BBX: variants seen among roughly 807,000 people sequenced by gnomAD.
The protein encoded by BBX is HMG box transcription factor BBX.
In BBX, 30 loss-of-function variants were observed where a neutral mutation model predicts 100.2. That is an observed-to-expected ratio of 0.30 (90% CI 0.22 to 0.41). The LOEUF (loss-of-function observed/expected upper bound fraction) is 0.41. Ranked by LOEUF, BBX falls within the 10% of genes least tolerant of loss-of-function variation. The pLI is 1.00. For synonymous variants in BBX, 376 were observed against 388.1 expected, an observed-to-expected ratio of 0.97 and a Z score of 0.37; for missense variants, 1,023 against 1,129.8, an observed-to-expected ratio of 0.91 and a Z score of 1.35.
chr3:107,643,546 C>T (rs1340894942), intron 2 of BBX, among the ~76,000 whole-genome samples: 1 of 151,966 alleles, frequency 6.6e-6, no homozygotes, highest in African/African-American at 2.4e-5. Context: ...GAAAGTAAGC[C>T]AAAGTGGGAC....
chr3:107,584,612 T>C (rs1241879958), intron 2 of BBX, among the ~76,000 whole-genome samples: 1 of 148,966 alleles, frequency 6.7e-6, no homozygotes, highest in Non-Finnish European at 1.5e-5. Flanking sequence ...GGGTGCAGAA[T>C]TGATCAAAAC....
In BBX at chr3:107,737,342, A is replaced by G. The variant is rs551417690; in HGVS notation, c.669+4319A>G. On this transcript the variant is annotated intron_variant, in intron 7 of 17. Coordinates refer to ENST00000325805, the MANE Select transcript of BBX (RefSeq NM_001142568.3). ...AGAGAGAGAGAGAGAGTTCTTGTCT[A>G]TTGAAAACTTAGCAGAAATTACCGT... 3.9e-5 allele frequency among the ~76,000 whole-genome samples: 6 copies of G among 152,058 alleles called. No homozygotes were observed. The South Asian group carries it at 1.0e-3, about 26-fold the overall frequency.
At chr3:107,639,764 C>T (rs2057080355) in intron 2 of BBX, among the ~76,000 whole-genome samples, 1 of 152,070 alleles carries the variant, frequency 6.6e-6, no homozygotes, top group South Asian at 2.1e-4. Context: ...GTACAAAGAT[C>T]TTATGGCAAT....
intron 2 of BBX, among the ~76,000 whole-genome samples, chr3:107,541,072 C>G (rs1478912312): frequency 1.3e-5 from 2 of 152,172 alleles, no homozygotes; most frequent in Non-Finnish European, 2.9e-5. Context: ...CGTTGGCTCT[C>G]TTATACTTGT....
At chr3:107,638,115 CTG>C (rs2056959566) in intron 2 of BBX, among the ~76,000 whole-genome samples, 1 of 152,160 alleles carries the variant, frequency 6.6e-6, no homozygotes, top group Non-Finnish European at 1.5e-5. Context: ...GCAGGTCTCA[CTG>C]TATTGCCTAG....
rs940298225 is a variant in BBX at position 107,667,730 on chromosome 3, C to G, written c.-10+21821C>G. 2.0e-5 allele frequency among the ~76,000 whole-genome samples: 3 copies of G among 151,844 alleles called. No homozygotes were observed. In the East Asian group the frequency reaches 5.8e-4, roughly 29 times the overall value. ...AAGTTGGTAATAAATATAAAAGTAA[C>G]TCAGCATTGAGGTTTATGTAATTAT... On this transcript the variant is annotated intron_variant, in intron 3 of 17. Coordinates refer to ENST00000325805, the MANE Select transcript of BBX (RefSeq NM_001142568.3).
chr3:107,679,664 T>C (rs2059471658), intron 3 of BBX, among the ~76,000 whole-genome samples: 1 of 152,122 alleles, frequency 6.6e-6, no homozygotes, highest in African/African-American at 2.4e-5. Context: ...GATTGTTTCT[T>C]TATAAAATGG....
chr3:107,666,313 T>G (rs1209104498), intron 3 of BBX, among the ~76,000 whole-genome samples: 1 of 152,216 alleles, frequency 6.6e-6, no homozygotes, highest in Admixed American at 6.5e-5. Flanking sequence ...CGATACAGAA[T>G]GTGTACATTT....
intron 3 of BBX, among the ~76,000 whole-genome samples, chr3:107,696,212 G>T (rs1213043779): frequency 2.0e-5 from 3 of 151,806 alleles, no homozygotes; most frequent in East Asian, 3.9e-4. Context: ...AGTTAATATT[G>T]TTATGTGTGA....
chr3:107,701,326 C>T (rs922344173), intron 3 of BBX, among the ~76,000 whole-genome samples: 3 of 152,158 alleles, frequency 2.0e-5, no homozygotes, highest in Non-Finnish European at 4.4e-5. Context: ...CCATCATGTG[C>T]TGGCAGAGTG....
chr3:107,562,722 C>T (rs2050596041), intron 2 of BBX, among the ~76,000 whole-genome samples: 1 of 151,872 alleles, frequency 6.6e-6, no homozygotes, highest in African/African-American at 2.4e-5. Context: ...AGCTCTAAAC[C>T]AGGAAGGATA....
chr3:107,739,513 C>T (rs771765362), intron 7 of BBX, among the ~76,000 whole-genome samples: 14 of 152,174 alleles, frequency 9.2e-5, no homozygotes, highest in Non-Finnish European at 1.8e-4. Flanking sequence ...GGCTCAAGCC[C>T]AGATAATTGG....
intron 2 of BBX, among the ~76,000 whole-genome samples, chr3:107,533,362 T>C (rs1347035674): frequency 1.3e-5 from 2 of 152,236 alleles, no homozygotes; most frequent in African/African-American, 4.8e-5. Context: ...CACTGATCAT[T>C]GAACAATTTA....
In BBX at chr3:107,711,514, A is replaced by T. The variant is rs73850131; in HGVS notation, c.162+892A>T. ...TGGCTTTCATCAGGAATTAAAAACA[A>T]TTTTACTCTTTTTCAGACATCATCT... On this transcript the variant is annotated intron_variant, in intron 4 of 17. Transcript: ENST00000325805. 2,461 of 347,682 alleles carry T rather than the reference A, an allele frequency of 7.1e-3. 51 individuals carry two copies. The highest frequency in any genetic ancestry group is 0.05 in the African/African-American group (2,328 of 46,424). The allele number at this position is 347,682 out of a possible 1,614,324, so 21.5% of individuals were successfully genotyped here.
chr3:107,678,492 A>T (rs1424943670), intron 3 of BBX, among the ~76,000 whole-genome samples: 1 of 152,070 alleles, frequency 6.6e-6, no homozygotes, highest in Non-Finnish European at 1.5e-5. Context: ...GGCAAGCCGA[A>T]GCAGGAGGAT....
chr3:107,738,617 A>G lies in BBX; in HGVS notation c.669+5594A>G, dbSNP rs186891376. Among the ~76,000 whole-genome samples, 1,362 of 152,290 alleles carry G rather than the reference A, an allele frequency of 8.9e-3. 7 individuals carry two copies. The highest frequency in any genetic ancestry group is 0.016 in the Non-Finnish European group (1,097 of 68,010). ...ACAAAGTGGCAGAACTGGGATTCCA[A>G]CGCCGGAGGACTAGCTTCAGTCTTC... On this transcript the variant is annotated intron_variant, in intron 7 of 17. Transcript: ENST00000325805.
At chr3:107,693,812 G>A (rs2060365460) in intron 3 of BBX, among the ~76,000 whole-genome samples, 1 of 150,512 alleles carries the variant, frequency 6.6e-6, no homozygotes, top group African/African-American at 2.5e-5. Flanking sequence ...TCACGATATT[G>A]ATTCTTCCTA....
At chr3:107,536,606 C>T (rs2048509837) in intron 2 of BBX, among the ~76,000 whole-genome samples, 1 of 152,092 alleles carries the variant, frequency 6.6e-6, no homozygotes, top group African/African-American at 2.4e-5. Context: ...AACTTTATGT[C>T]ATTTGACACC....
At chr3:107,794,276 T>C (rs1373075268) in intron 15 of BBX, among the ~76,000 whole-genome samples, 2 of 152,154 alleles carry the variant, frequency 1.3e-5, no homozygotes, top group East Asian at 3.9e-4. Flanking sequence ...CAGCCCCGAA[T>C]ACATGGTAAG....
Sources: allele counts gnomAD v4.1 joint callset (sites outside exome capture counted in the v4.1 genomes callset), GRCh38; gene constraint gnomAD v4.1.1; transcripts MANE v1.5; gene names NCBI Gene and HGNC (gene_info 2026-07-23, HGNC 2026-07-21).